Variants in FPR3 observed in about 807,000 individuals in gnomAD.
The protein encoded by FPR3 is formyl peptide receptor 3.
For synonymous variants in FPR3, 135 were observed against 163.6 expected (o/e 0.83, Z 1.34); for missense variants, 346 against 443.2 (o/e 0.78, Z 1.97).
intron 1 of FPR3, among the ~76,000 whole-genome samples, chr19:51,800,132 G>C (rs577321155): frequency 1.3e-4 from 20 of 152,310 alleles, no homozygotes; most frequent in Non-Finnish European, 2.1e-4. Flanking sequence ...CCTGTGACAC[G>C]GCAACTGCAC....
In FPR3 at chr19:51,824,187, A is replaced by G; in HGVS notation, c.439A>G (p.Thr147Ala). The G allele has an allele frequency of 6.2e-7, 1 of 1,614,144 alleles. No homozygotes were observed. Among genetic ancestry groups the G allele is most frequent in the Non-Finnish European group, 8.5e-7 (1 of 1,180,010 alleles). ...RTMSLAKRVM[T>A]GLWIFTIVLT... ...CATGAGTCTGGCCAAGAGGGTGATG[A>G]CGGGACTCTGGATTTTCACCATAGT... Residue 147 changes from threonine (T) to alanine (A), a missense_variant, in exon 2 of 2, where the codon ACG becomes GCG. Physicochemically the swap from Thr to Ala is moderately conservative, Grantham distance 58. Transcript: ENST00000339223. This position sits in a 1 kb window ranked among gnomAD's most constrained non-coding sequence, Gnocchi z 4.7.
intron 1 of FPR3, among the ~76,000 whole-genome samples, chr19:51,807,397 C>T (rs370639148): frequency 3.3e-5 from 5 of 152,322 alleles, no homozygotes; most frequent in Middle Eastern, 3.4e-3. Flanking sequence ...CCACATCCTG[C>T]ATTCATGATA....
At chr19:51,800,257 G>A (rs942312015) in intron 1 of FPR3, among the ~76,000 whole-genome samples, 3 of 152,176 alleles carry the variant, frequency 2.0e-5, no homozygotes, top group Admixed American at 6.5e-5. Context: ...GAGGTCGATC[G>A]GGTCACCCTG....
intron 1 of FPR3, among the ~76,000 whole-genome samples, chr19:51,812,801 T>C (rs979400398): frequency 1.3e-5 from 2 of 152,152 alleles, no homozygotes; most frequent in African/African-American, 4.8e-5. Flanking sequence ...TATAACAAAA[T>C]TTATTATGCT....
intron 1 of FPR3, among the ~76,000 whole-genome samples, chr19:51,809,498 A>G (rs887275318): frequency 2.0e-5 from 3 of 152,062 alleles, no homozygotes; most frequent in Non-Finnish European, 4.4e-5. Flanking sequence ...CAACCTCTTT[A>G]TTTTCTCATT....
chr19:51,800,417 C>T (rs775447224), intron 1 of FPR3, among the ~76,000 whole-genome samples: 13 of 152,178 alleles, frequency 8.5e-5, no homozygotes, highest in Non-Finnish European at 4.4e-5. Flanking sequence ...TGCAGAGGTG[C>T]CAGTGCCCAC....
intron 1 of FPR3, among the ~76,000 whole-genome samples, chr19:51,818,995 T>A (rs1290346071): frequency 2.0e-5 from 3 of 152,214 alleles, no homozygotes; most frequent in African/African-American, 7.2e-5. Context: ...GACAGGGCCA[T>A]GGACATGGGT....
intron 1 of FPR3, among the ~76,000 whole-genome samples, chr19:51,822,788 C>T (rs779698442): frequency 1.2e-4 from 18 of 152,076 alleles, no homozygotes; most frequent in South Asian, 4.1e-4. Context: ...GAAAAGCAGA[C>T]GGGAGAAAGT....
At chr19:51,805,056 G>C (rs745510196) in intron 1 of FPR3, 3 of 152,208 alleles carry the variant, frequency 2.0e-5, no homozygotes, top group South Asian at 2.1e-4. Context: ...AGGCACAGTC[G>C]TGAGTTTGCT....
chr19:51,820,965 A>T (rs1171029307), intron 1 of FPR3, among the ~76,000 whole-genome samples: 2 of 152,196 alleles, frequency 1.3e-5, no homozygotes, highest in African/African-American at 4.8e-5. Flanking sequence ...GCATGTGAGT[A>T]ATGTTCATAA....
intron 1 of FPR3, among the ~76,000 whole-genome samples, chr19:51,818,793 A>C (rs539358961): frequency 6.6e-6 from 1 of 152,196 alleles, no homozygotes; most frequent in Non-Finnish European, 1.5e-5. Flanking sequence ...CTGGGGATAC[A>C]CAAGACAAAT....
At chr19:51,817,407 G>A (rs934593070) in intron 1 of FPR3, among the ~76,000 whole-genome samples, 31 of 151,948 alleles carry the variant, frequency 2.0e-4, no homozygotes, top group African/African-American at 6.0e-4. Context: ...GAGAGAGAGA[G>A]AAAATAGCCA....
At chr19:51,809,929 C>T (rs1019755380) in intron 1 of FPR3, among the ~76,000 whole-genome samples, 1 of 152,128 alleles carries the variant, frequency 6.6e-6, no homozygotes, top group South Asian at 2.1e-4. Flanking sequence ...GCCCCCATCT[C>T]ATTTCCCAGC....
intron 1 of FPR3, among the ~76,000 whole-genome samples, chr19:51,806,922 T>C (rs2084062830): frequency 6.6e-6 from 1 of 152,196 alleles, no homozygotes; most frequent in Non-Finnish European, 1.5e-5. Context: ...TTGGTAAAGA[T>C]GTGTAAGTTG....
Position 51,824,806 on chromosome 19 carries a change from T to C in FPR3, c.1058T>C (p.Met353Thr), listed in dbSNP as rs560962882. ...SPPEETELQA[M>T] ...CCTGAGGAGACGGAGTTACAAGCAA[T>C]GTGAGGTCGGGGATATTTTTGGGCT... Residue 353 changes from methionine (M) to threonine (T), a missense_variant, in exon 2 of 2, where the codon ATG (methionine) becomes ACG (threonine). Coordinates refer to ENST00000339223, the MANE Select transcript of FPR3 (RefSeq NM_002030.5). The surrounding 1 kb of genome is among the most constrained non-coding windows in gnomAD (Gnocchi z 4.7). 5.4e-5 allele frequency: 87 copies of C among 1,604,878 alleles called. No individual in the cohort carries two copies. The South Asian group carries it at 9.1e-4, about 17-fold the overall frequency.
intron 1 of FPR3, among the ~76,000 whole-genome samples, chr19:51,822,703 T>C (rs1359784675): frequency 6.6e-6 from 1 of 152,168 alleles, no homozygotes; most frequent in Non-Finnish European, 1.5e-5. Context: ...CTACAAATAC[T>C]AGCTAAATAT....
chr19:51,804,313 G>A (rs991404523), intron 1 of FPR3, among the ~76,000 whole-genome samples: 11 of 152,012 alleles, frequency 7.2e-5, no homozygotes, highest in African/African-American at 2.7e-4. Flanking sequence ...TCTAGGAAAC[G>A]TAATCCTAGC....
intron 1 of FPR3, among the ~76,000 whole-genome samples, chr19:51,806,766 C>T (rs1479611572): frequency 6.6e-6 from 1 of 152,208 alleles, no homozygotes. Context: ...GCTGTCTCAC[C>T]TGTTTGGCAT....
intron 1 of FPR3, among the ~76,000 whole-genome samples, chr19:51,799,140 A>T (rs988964596): frequency 6.6e-6 from 1 of 151,984 alleles, no homozygotes; most frequent in Non-Finnish European, 1.5e-5. Flanking sequence ...GAAGTGCGCC[A>T]CACCCCACTC....
Sources: gnomAD v4.1 joint callset for allele counts (sites outside exome capture counted in the v4.1 genomes callset) on GRCh38, gnomAD v4.1.1 for gene constraint, Gnocchi (gnomAD v3.1) non-coding constraint, MANE v1.5 for transcripts, NCBI Gene and HGNC (gene_info 2026-07-23, HGNC 2026-07-21) for gene names.